Variants in PDZD2 observed in about 807,000 individuals in gnomAD.
The protein encoded by PDZD2 is PDZ domain containing 2.
A neutral mutation model predicts 220.7 loss-of-function variants in PDZD2; 90 were observed. The ratio of observed to expected loss-of-function variants is 0.41; its 90% CI spans 0.34 to 0.49. PDZD2 has a LOEUF of 0.49. Among genes scored for constraint, PDZD2 ranks in the 20% least tolerant of loss-of-function variants. The pLI, the probability that PDZD2 is intolerant of heterozygous loss-of-function variation, is 0.28. For synonymous variants in PDZD2, 1,375 were observed against 1,450.5 expected (o/e 0.95, Z 1.18); for missense variants, 3,174 against 3,608.5 (o/e 0.88, Z 3.08).
chr5:31,919,450 G>T (rs183636997), intron 2 of PDZD2, among the ~76,000 whole-genome samples: 1,724 of 151,728 alleles, frequency 0.011, 11 homozygotes, highest in Non-Finnish European at 0.017. Flanking sequence ...AGGTTCAAGC[G>T]ATTCTCCTGC....
At chr5:32,056,797 G>A (rs1323023688) in intron 10 of PDZD2, among the ~76,000 whole-genome samples, 4 of 152,152 alleles carry the variant, frequency 2.6e-5, no homozygotes, top group Non-Finnish European at 5.9e-5. Context: ...GCATCAGCAA[G>A]ATTATTTTTG....
rs1443685061 is a variant in PDZD2, at chr5:32,108,750, A to AGAG, written c.*616_*618dup. On this transcript the variant is annotated 3_prime_UTR_variant, in exon 25 of 25. Coordinates refer to ENST00000438447, the MANE Select transcript of PDZD2 (RefSeq NM_178140.4). ...AAGGAAAAAGCAAAATAATTAATTG[A>AGAG]GAGTATTTTTTAGTGAGTGTAATGT... 1 of 152,686 alleles carries AGAG rather than the reference A, an allele frequency of 6.5e-6. No homozygotes were observed. The highest frequency in any genetic ancestry group is 1.5e-5 in the Non-Finnish European group (1 of 68,060). 9.5% of individuals were successfully genotyped at this position (152,686 alleles called of 1,614,324 possible). A position where few individuals can be genotyped will look rare whatever the true frequency, so the allele number is the denominator to read the frequency against.
intron 2 of PDZD2, among the ~76,000 whole-genome samples, chr5:31,948,380 A>T (rs1220628732): frequency 1.3e-5 from 2 of 152,092 alleles, no homozygotes; most frequent in African/African-American, 4.8e-5. Context: ...AGGCTTTTCG[A>T]CCTTGTTTTC....
At position 31,826,722 on chromosome 5, in the gene PDZD2, A is replaced by G. The variant is rs144221647; in HGVS notation, c.476+26998A>G. Among the ~76,000 whole-genome samples, 38 of 152,294 alleles carry G rather than the reference A, an allele frequency of 2.5e-4. No individual in the cohort carries two copies. In the East Asian group the frequency reaches 3.7e-3, roughly 15 times the overall value. ...GAAACCTGTTTATTCGATATTATCA[A>G]TGTAAATTAAAACATTTATCAGATA... On this transcript the variant is annotated intron_variant, in intron 2 of 24. Transcript: ENST00000438447.
intron 1 of PDZD2, among the ~76,000 whole-genome samples, chr5:31,791,460 C>G (rs1753721215): frequency 6.6e-6 from 1 of 151,944 alleles, no homozygotes; most frequent in Non-Finnish European, 1.5e-5. Flanking sequence ...TGTGGTGGCG[C>G]ATGCCTGTAA....
At chr5:31,988,006 A>G (rs759429124) in intron 3 of PDZD2, among the ~76,000 whole-genome samples, 3 of 152,160 alleles carry the variant, frequency 2.0e-5, no homozygotes, top group Non-Finnish European at 4.4e-5. Flanking sequence ...GGTCAGGGCT[A>G]GGCTGCTTTC....
intron 2 of PDZD2, among the ~76,000 whole-genome samples, chr5:31,971,298 G>T (rs1749276662): frequency 6.6e-6 from 1 of 152,238 alleles, no homozygotes; most frequent in South Asian, 2.1e-4. Context: ...CTCCAGAGGG[G>T]ATAAACGCTG....
intron 1 of PDZD2, among the ~76,000 whole-genome samples, chr5:31,771,459 G>A (rs1360364394): frequency 3.9e-5 from 6 of 152,182 alleles, no homozygotes; most frequent in African/African-American, 1.4e-4. Flanking sequence ...CAAGATCTAT[G>A]TAGATTTGCA....
At chr5:31,814,447 C>T (rs148614849) in intron 2 of PDZD2, among the ~76,000 whole-genome samples, 58 of 152,284 alleles carry the variant, frequency 3.8e-4, no homozygotes, top group Admixed American at 1.7e-3. Context: ...AGACACCAAT[C>T]AACTTGGGGA....
intron 21 of PDZD2, among the ~76,000 whole-genome samples, chr5:32,096,222 C>T (rs1037214761): frequency 9.9e-5 from 15 of 152,120 alleles, no homozygotes; most frequent in Non-Finnish European, 5.9e-5. Flanking sequence ...CCCATCAATC[C>T]GTGTGTGAGC....
At chr5:31,860,062 A>C (rs1206699135) in intron 2 of PDZD2, among the ~76,000 whole-genome samples, 1 of 152,082 alleles carries the variant, frequency 6.6e-6, no homozygotes, top group East Asian at 1.9e-4. Flanking sequence ...GTGAAGAGAA[A>C]TCCCCTACAC....
intron 1 of PDZD2, among the ~76,000 whole-genome samples, chr5:31,793,596 C>T (rs1753841517): frequency 6.6e-6 from 1 of 152,174 alleles, no homozygotes. Flanking sequence ...CACTTGAGAT[C>T]AGGAGTTCGA....
At chr5:31,745,809 A>ATTTT (rs59613880) in intron 1 of PDZD2, among the ~76,000 whole-genome samples, 2 of 143,182 alleles carry the variant, frequency 1.4e-5, no homozygotes, top group African/African-American at 5.2e-5. Context: ...CATGTAAATG[A>ATTTT]TTTTTTTTTT....
chr5:31,830,928 G>A (rs144529345), intron 2 of PDZD2, among the ~76,000 whole-genome samples: 1 of 152,310 alleles, frequency 6.6e-6, no homozygotes, highest in Non-Finnish European at 1.5e-5. Flanking sequence ...AGCAAGCAGT[G>A]ACATTCTGAA....
At chr5:31,817,771 ATCCTGCC>A (rs1755561724) in intron 2 of PDZD2, among the ~76,000 whole-genome samples, 1 of 151,516 alleles carries the variant, frequency 6.6e-6, no homozygotes, top group Non-Finnish European at 1.5e-5. Context: ...TCAAGCAACT[ATCCTGCC>A]TCAGCCTCCC....
At chr5:32,008,020 T>C (rs1403675622) in intron 5 of PDZD2, among the ~76,000 whole-genome samples, 1 of 152,038 alleles carries the variant, frequency 6.6e-6, no homozygotes, top group Non-Finnish European at 1.5e-5. Context: ...CCGGGCGCGG[T>C]CCCTCATGCC....
At chr5:31,973,628 A>G (rs968891564) in intron 2 of PDZD2, among the ~76,000 whole-genome samples, 1 of 152,226 alleles carries the variant, frequency 6.6e-6, no homozygotes, top group African/African-American at 2.4e-5. Context: ...AGAAGCTGGT[A>G]TCCTGAATTT....
chr5:32,087,804 G>A lies in PDZD2; in HGVS notation c.4356G>A (p.Gln1452=). Residue 1452 remains glutamine (Q), a synonymous_variant, in exon 20 of 25, where the codon CAG becomes CAA. Coordinates refer to ENST00000438447, the MANE Select transcript of PDZD2 (RefSeq NM_178140.4). The surrounding 1 kb of genome is among the most constrained non-coding windows in gnomAD (Gnocchi z 4.0). The stretch of plus-strand genomic sequence containing the variant: ...CCCAGACGGGGGACAGTGGCTCTCA[G>A]GAGGGCAGTGCTCAGGGCCACCCAC... ...PSSQTGDSGS[Q]EGSAQGHPPA... 6.2e-7 allele frequency: 1 copy of A among 1,613,352 alleles called. No homozygotes were observed. The highest frequency in any genetic ancestry group is 8.5e-7 in the Non-Finnish European group (1 of 1,179,862).
rs1298864421 is a variant in PDZD2, at chr5:31,975,812, T to TTTTTTTTTTTTTTC, written c.477-7334_477-7333insTTTTCTTTTTTTTT. On this transcript the variant is annotated intron_variant, in intron 2 of 24. Coordinates refer to ENST00000438447, the MANE Select transcript of PDZD2 (RefSeq NM_178140.4). ...CAGTCACTTTTTTTTTATTTATTTT[T>TTTTTTTTTTTTTTC]TTTTTTTTTGAGACAAGGTCTTACT... 1.4e-5 allele frequency among the ~76,000 whole-genome samples: 2 copies of TTTTTTTTTTTTTTC among 142,564 alleles called. 1 individual carries two copies. Among genetic ancestry groups the TTTTTTTTTTTTTTC allele is most frequent in the Non-Finnish European group, 3.1e-5 (2 of 64,948 alleles). 93.5% of individuals were successfully genotyped at this position (142,564 alleles called of 152,430 possible).
Sources: allele counts gnomAD v4.1 joint callset (sites outside exome capture counted in the v4.1 genomes callset), GRCh38; gene constraint gnomAD v4.1.1; non-coding constraint Gnocchi (gnomAD v3.1); transcripts MANE v1.5; gene names NCBI Gene and HGNC (gene_info 2026-07-23, HGNC 2026-07-21).